The following ATRNL1 variants were observed in gnomAD, a reference collection of about 807,000 sequenced individuals.
ATRNL1 encodes attractin-like protein 1.
A neutral mutation model predicts 182.7 loss-of-function variants in ATRNL1; 95 were observed. The observed-to-expected ratio is 0.52, with a 90% CI of 0.44 to 0.62. ATRNL1 has a LOEUF of 0.62. Ranked by LOEUF, ATRNL1 falls within the 20% of genes least tolerant of loss-of-function variation. ATRNL1 has a pLI of 0.00. For missense variants in ATRNL1, 1,471 were observed against 1,679.5 expected, an observed-to-expected ratio of 0.88 and a Z score of 2.17; for synonymous variants, 576 against 568.3, an observed-to-expected ratio of 1.01 and a Z score of -0.19.
intron 25 of ATRNL1, among the ~76,000 whole-genome samples, chr10:115,544,024 A>G (rs1297111842): frequency 6.6e-6 from 1 of 152,106 alleles, no homozygotes; most frequent in South Asian, 2.1e-4. Flanking sequence ...AGAAAGCCCA[A>G]TTATTCCCCC....
chr10:115,792,651 A>G (rs1281528823), intron 27 of ATRNL1, among the ~76,000 whole-genome samples: 2 of 152,068 alleles, frequency 1.3e-5, no homozygotes, highest in Non-Finnish European at 2.9e-5. Flanking sequence ...ATAGTCTAGA[A>G]GCTCTTTTGA....
intron 24 of ATRNL1, among the ~76,000 whole-genome samples, chr10:115,491,065 G>C (rs1213326842): frequency 6.6e-6 from 1 of 152,176 alleles, no homozygotes; most frequent in Non-Finnish European, 1.5e-5. Flanking sequence ...AGCGGAGCCA[G>C]CAAAACAGCA....
At chr10:115,160,592 T>G (rs1846738887) in intron 6 of ATRNL1, among the ~76,000 whole-genome samples, 1 of 151,910 alleles carries the variant, frequency 6.6e-6, no homozygotes, top group Non-Finnish European at 1.5e-5. Flanking sequence ...CTGTAAATTT[T>G]AGTGTACCTG....
chr10:115,221,279 G>A (rs1466759355), intron 9 of ATRNL1, among the ~76,000 whole-genome samples: 1 of 152,146 alleles, frequency 6.6e-6, no homozygotes, highest in African/African-American at 2.4e-5. Context: ...GGATTATATT[G>A]TATAGGATGT....
chr10:115,888,505 C>T (rs188455963), intron 28 of ATRNL1, among the ~76,000 whole-genome samples: 5 of 152,266 alleles, frequency 3.3e-5, no homozygotes, highest in Admixed American at 3.3e-4. Flanking sequence ...CCTTCTCCTC[C>T]ACTGTCACTT....
intron 26 of ATRNL1, among the ~76,000 whole-genome samples, chr10:115,625,448 G>A (rs569100989): frequency 6.6e-6 from 1 of 152,016 alleles, no homozygotes; most frequent in Admixed American, 6.6e-5. Flanking sequence ...GTTGCTTGTA[G>A]TTTTATACCT....
intron 24 of ATRNL1, among the ~76,000 whole-genome samples, chr10:115,482,852 TA>T (rs1257829290): frequency 3.3e-5 from 5 of 151,392 alleles, no homozygotes; most frequent in South Asian, 2.1e-4. Flanking sequence ...GTGAAGGTCT[TA>T]AATATTCTTT....
At chr10:115,193,658 A>G (rs1215829700) in intron 8 of ATRNL1, among the ~76,000 whole-genome samples, 1 of 151,750 alleles carries the variant, frequency 6.6e-6, no homozygotes, top group Non-Finnish European at 1.5e-5. Context: ...TTCAAAAATA[A>G]ACTTCATTTC....
intron 19 of ATRNL1, among the ~76,000 whole-genome samples, chr10:115,374,364 G>T (rs568137918): frequency 6.6e-6 from 1 of 150,376 alleles, no homozygotes; most frequent in East Asian, 1.9e-4. Flanking sequence ...TTATTTTGCT[G>T]TGATTTTTAT....
At chr10:115,521,372 C>T (rs924905941) in intron 25 of ATRNL1, among the ~76,000 whole-genome samples, 9 of 152,158 alleles carry the variant, frequency 5.9e-5, no homozygotes, top group South Asian at 4.1e-4. Context: ...AGGGTGGTCT[C>T]GATCTCCTGA....
intron 10 of ATRNL1, among the ~76,000 whole-genome samples, chr10:115,243,276 G>A (rs1375178735): frequency 2.6e-5 from 4 of 151,902 alleles, no homozygotes; most frequent in Non-Finnish European, 5.9e-5. Flanking sequence ...TTTTCATATT[G>A]TTGAAGATTA....
At chr10:115,325,175 TGAG>T (rs1182784844) in intron 18 of ATRNL1, among the ~76,000 whole-genome samples, 2 of 152,182 alleles carry the variant, frequency 1.3e-5, no homozygotes, top group Non-Finnish European at 2.9e-5. Flanking sequence ...TGTCCATAAA[TGAG>T]GAGCCATCTG....
chr10:115,694,435 A>G (rs1946489383), intron 26 of ATRNL1, among the ~76,000 whole-genome samples: 1 of 152,130 alleles, frequency 6.6e-6, no homozygotes, highest in Non-Finnish European at 1.5e-5. Flanking sequence ...TTGGAAGTAA[A>G]TACTAGACAA....
intron 21 of ATRNL1, among the ~76,000 whole-genome samples, chr10:115,453,236 T>A (rs1554968022): frequency 6.6e-6 from 1 of 152,116 alleles, no homozygotes; most frequent in Admixed American, 6.6e-5. Context: ...CTGGAACAGA[T>A]GGTAGTTCTA....
intron 26 of ATRNL1, among the ~76,000 whole-genome samples, chr10:115,651,039 A>G (rs1859960522): frequency 6.6e-6 from 1 of 152,172 alleles, no homozygotes; most frequent in African/African-American, 2.4e-5. Context: ...TTCTAGGCAG[A>G]ATGAGAGTCA....
chr10:115,267,469 GAATA>G (rs1851655501), intron 12 of ATRNL1, among the ~76,000 whole-genome samples: 1 of 151,444 alleles, frequency 6.6e-6, no homozygotes, highest in Admixed American at 6.6e-5. Context: ...ATAAAATGGT[GAATA>G]AATAAATGAG....
At chr10:115,847,417 C>T (rs1448888943) in intron 27 of ATRNL1, among the ~76,000 whole-genome samples, 6 of 151,876 alleles carry the variant, frequency 4.0e-5, no homozygotes. Flanking sequence ...TATGTTACTT[C>T]GATTGACTGT....
chr10:115,919,960 T>G (rs1555118312), intron 28 of ATRNL1, among the ~76,000 whole-genome samples: 1 of 152,132 alleles, frequency 6.6e-6, no homozygotes. Flanking sequence ...CCTACTAATA[T>G]CATCACATTG....
rs116091441 is a variant in ATRNL1, at chr10:115,759,625, G to A, written c.3903+32270G>A. ...TTCATTTGTATTAAAAAGTAAAGAT[G>A]ATAATTTTAAAGCATTTTATGATAT... On this transcript the variant is annotated intron_variant, in intron 27 of 28. Coordinates refer to ENST00000355044, the MANE Select transcript of ATRNL1 (RefSeq NM_207303.4). Among the ~76,000 whole-genome samples the A allele has an allele frequency of 8.6e-3, 1,300 of 151,434 alleles. 22 individuals are homozygous for A. The highest frequency in any genetic ancestry group is 0.03 in the African/African-American group (1,244 of 41,292).
Sources: allele counts gnomAD v4.1 joint callset (sites outside exome capture counted in the v4.1 genomes callset), GRCh38; gene constraint gnomAD v4.1.1; transcripts MANE v1.5; gene names NCBI Gene and HGNC (gene_info 2026-07-23, HGNC 2026-07-21).